ADGRV1: variants seen among roughly 807,000 people sequenced by gnomAD.
ADGRV1 encodes G-protein coupled receptor 98.
In ADGRV1, 359 loss-of-function variants were observed where a neutral mutation model predicts 596.2. That is an observed-to-expected ratio of 0.60 (90% CI 0.55 to 0.66). The LOEUF (loss-of-function observed/expected upper bound fraction) is 0.66, where lower values mean the gene tolerates loss of function less well. Among genes scored for constraint, ADGRV1 ranks in the 30% least tolerant of loss-of-function variants. The probability of loss-of-function intolerance (pLI) is 0.00; values close to 1 mark genes in which losing one functional copy is unlikely to be tolerated. For missense variants in ADGRV1, 7,274 were observed against 7,575.6 expected (o/e 0.96, Z 1.48); for synonymous variants, 2,681 against 2,679.2 (o/e 1.00, Z -0.02).
intron 89 of ADGRV1, among the ~76,000 whole-genome samples, chr5:91,158,270 G>A (rs1208349083): frequency 6.6e-6 from 1 of 152,254 alleles, no homozygotes; most frequent in East Asian, 1.9e-4. Context: ...AGGCAAAAAT[G>A]GGCCTTTGGC....
At chr5:90,890,931 A>G (rs985959408) in intron 83 of ADGRV1, among the ~76,000 whole-genome samples, 2 of 151,894 alleles carry the variant, frequency 1.3e-5, no homozygotes, top group East Asian at 1.9e-4. Flanking sequence ...TTAAATTGGC[A>G]TTTCTTGGAG....
At chr5:91,093,612 G>C (rs929894930) in intron 86 of ADGRV1, among the ~76,000 whole-genome samples, 16 of 152,154 alleles carry the variant, frequency 1.1e-4, no homozygotes, top group African/African-American at 3.9e-4. Flanking sequence ...AGATAGACAC[G>C]TAACAAGTAA....
intron 74 of ADGRV1, among the ~76,000 whole-genome samples, chr5:90,812,431 G>C (rs766111978): frequency 2.6e-5 from 4 of 152,110 alleles, no homozygotes; most frequent in Non-Finnish European, 4.4e-5. Context: ...ATTTAATCAA[G>C]CTAGTTAACA....
At position 90,783,946 on chromosome 5, in the gene ADGRV1, TGGA is replaced by T; in HGVS notation, c.13544_13546del (p.Gly4515del). 6.2e-7 allele frequency: 1 copy of T among 1,612,410 alleles called. No individual in the cohort carries two copies. ...TAATAGCTAAGAGTGACTCTCCCTT[TGGA>T]GTTATAAGGTTTCTCAATCAAAGCA... On this transcript the variant is annotated inframe_deletion, in exon 67 of 90. Coordinates refer to ENST00000405460, the MANE Select transcript of ADGRV1 (RefSeq NM_032119.4).
chr5:90,704,406 A>G lies in ADGRV1; in HGVS notation c.8304A>G (p.Thr2768=), dbSNP rs371868454. 4 of 1,575,466 alleles carry G rather than the reference A, an allele frequency of 2.5e-6. No homozygotes were observed. Among genetic ancestry groups the G allele is most frequent in the Non-Finnish European group, 1.7e-6 (2 of 1,158,528 alleles). The change falls in exon 36 of 90, where the codon ACA becomes ACG. Residue 2768 remains threonine (T), a synonymous_variant. Transcript: ENST00000405460. ...TGACATAGGGGTCGTTGAATACAACATTGTTTGTGCATTTGTTGGATGACA... is the reference window on the plus strand; with the variant it reads ...TGACATAGGGGTCGTTGAATACAACGTTGTTTGTGCATTTGTTGGATGACA... ...LFFPEGSLNT[T]LFVHLLDDNI...
intron 1 of ADGRV1, among the ~76,000 whole-genome samples, chr5:90,603,507 CA>C (rs1355215328): frequency 6.6e-6 from 1 of 152,108 alleles, no homozygotes; most frequent in African/African-American, 2.4e-5. Flanking sequence ...TCATGGTGCA[CA>C]GAGATGGATT....
In ADGRV1 at chr5:90,812,667, A is replaced by G. The variant is rs373762993; in HGVS notation, c.16078+1329A>G. On this transcript the variant is annotated intron_variant, in intron 74 of 89. Coordinates refer to ENST00000405460, the MANE Select transcript of ADGRV1 (RefSeq NM_032119.4). ...TTTTGCAATCTTTTAACTTCCTTTC[A>G]TATGCTCAGCATTATCTCATTTATG... 9.9e-4 allele frequency among the ~76,000 whole-genome samples: 150 copies of G among 152,246 alleles called. 3 individuals are homozygous for G. In the South Asian group the frequency reaches 0.029, roughly 30 times the overall value.
At chr5:91,094,840 AGATG>A (rs1350683487) in intron 86 of ADGRV1, among the ~76,000 whole-genome samples, 1 of 152,152 alleles carries the variant, frequency 6.6e-6, no homozygotes, top group Non-Finnish European at 1.5e-5. Context: ...AGAGAAGTGA[AGATG>A]CAGATTCAGA....
At chr5:90,771,763 G>A (rs946821261) in intron 59 of ADGRV1, among the ~76,000 whole-genome samples, 1 of 152,134 alleles carries the variant, frequency 6.6e-6, no homozygotes, top group Non-Finnish European at 1.5e-5. Flanking sequence ...AGAAATAATT[G>A]TTCTGAATTT....
At chr5:90,643,144 G>C in intron 13 of ADGRV1, 103 bp downstream of exon 13, 1 of 1,065,686 alleles carries the variant, frequency 9.4e-7, no homozygotes, top group Non-Finnish European at 1.3e-6. Context: ...ACAGGAAAGA[G>C]GTGGGCAAGA....
chr5:90,763,283 T>A, intron 58 of ADGRV1, 22 bp from the exon 59 acceptor site: 1 of 1,472,904 alleles, frequency 6.8e-7, no homozygotes, highest in Non-Finnish European at 9.1e-7. Flanking sequence ...TTGTTTGGCC[T>A]TACTGAATTT....
At chr5:90,951,041 A>G (rs902865719) in intron 83 of ADGRV1, among the ~76,000 whole-genome samples, 3 of 152,212 alleles carry the variant, frequency 2.0e-5, no homozygotes, top group Non-Finnish European at 2.9e-5. Context: ...GTGAAAACAT[A>G]AAAACAATAG....
At chr5:91,068,757 C>T (rs1173548991) in intron 85 of ADGRV1, among the ~76,000 whole-genome samples, 1 of 151,664 alleles carries the variant, frequency 6.6e-6, no homozygotes, top group African/African-American at 2.4e-5. Context: ...CTACCAACAT[C>T]ATTTTTCATA....
chr5:91,085,927 T>C (rs1000905859), intron 86 of ADGRV1, among the ~76,000 whole-genome samples: 1 of 152,190 alleles, frequency 6.6e-6, no homozygotes, highest in Admixed American at 6.5e-5. Flanking sequence ...AGTTAAGCCT[T>C]CAGAGTACCT....
chr5:90,952,550 A>G (rs1413925593), intron 83 of ADGRV1, among the ~76,000 whole-genome samples: 1 of 152,156 alleles, frequency 6.6e-6, no homozygotes. Context: ...TGAAAGGCTG[A>G]TCTATAGATA....
rs780302289 is a variant in ADGRV1 at position 90,652,497 on chromosome 5, C to T, written c.3568C>T (p.His1190Tyr). 1.9e-6 allele frequency: 3 copies of T among 1,613,140 alleles called. No individual in the cohort carries two copies. Among genetic ancestry groups the T allele is most frequent in the Non-Finnish European group, 1.7e-6 (2 of 1,179,458 alleles). The change falls in exon 19 of 90, where the codon CAT becomes TAT. Residue 1190 changes from histidine (H) to tyrosine (Y), a missense_variant. Physicochemically the swap from His to Tyr is moderately conservative, Grantham distance 83. Transcript: ENST00000405460. ...AGAAGAAGCAAAACCAATCATTCTCCATGCTTTTCCAGATAAAATTCCTGA... is the reference window on the plus strand; with the variant it reads ...AGAAGAAGCAAAACCAATCATTCTCTATGCTTTTCCAGATAAAATTCCTGA... ...DGEEAKPIIL[H>Y]AFPDKIPEFN...
chr5:90,576,977 T>C (rs187744103), intron 1 of ADGRV1, among the ~76,000 whole-genome samples: 1 of 152,330 alleles, frequency 6.6e-6, no homozygotes, highest in African/African-American at 2.4e-5. Flanking sequence ...GTTTTTTTTC[T>C]TGTGAATTTG....
intron 74 of ADGRV1, among the ~76,000 whole-genome samples, chr5:90,813,908 C>G (rs1356575378): frequency 6.6e-6 from 1 of 152,116 alleles, no homozygotes; most frequent in Non-Finnish European, 1.5e-5. Flanking sequence ...TGGCACATTA[C>G]AAGTCTGGAA....
At chr5:90,786,062 T>C (rs915371598) in intron 67 of ADGRV1, among the ~76,000 whole-genome samples, 2 of 152,180 alleles carry the variant, frequency 1.3e-5, no homozygotes, top group African/African-American at 2.4e-5. Context: ...CATGGAATAC[T>C]ATGCAGCCAT....
Sources: allele counts gnomAD v4.1 joint callset (sites outside exome capture counted in the v4.1 genomes callset), GRCh38; gene constraint gnomAD v4.1.1; transcripts MANE v1.5; gene names NCBI Gene and HGNC (gene_info 2026-07-23, HGNC 2026-07-21).